Variants in UBAP2 observed in about 807,000 individuals in gnomAD.
The protein encoded by UBAP2 is ubiquitin-associated protein 2.
A neutral mutation model predicts 139.6 loss-of-function variants in UBAP2; 75 were observed. The ratio of observed to expected loss-of-function variants is 0.54; its 90% CI spans 0.45 to 0.65. The LOEUF (loss-of-function observed/expected upper bound fraction) is 0.65. Among genes scored for constraint, UBAP2 ranks in the 30% least tolerant of loss-of-function variants. The pLI, the probability that UBAP2 is intolerant of heterozygous loss-of-function variation, is 0.00. For synonymous variants in UBAP2, 526 were observed against 526.2 expected (o/e 1.00, Z 0.01); for missense variants, 1,368 against 1,369.6 (o/e 1.00, Z 0.02).
rs917921355 is a variant in UBAP2, at chr9:33,941,821, T to C, written c.1757A>G (p.Gln586Arg). 2 of 1,614,038 alleles carry C rather than the reference T, an allele frequency of 1.2e-6. No individual in the cohort carries two copies. The highest frequency in any genetic ancestry group is 3.3e-5 in the Admixed American group (2 of 60,004). ...GACGGAAGTTGTATATGTGGAGTTC[T>C]GTACTGCACTGGTCATTGATAAAGA... ...NTSLSMTSAVQNSTYTTSVIT... is the reference protein window; with the variant it reads ...NTSLSMTSAVRNSTYTTSVIT... The change falls in exon 16 of 29, where the codon CAG (glutamine) becomes CGG (arginine). Residue 586 changes from glutamine to arginine, a missense_variant. By Grantham distance (43) the Gln-to-Arg change is conservative (BLOSUM62 1). Transcript: ENST00000379238.
chr9:34,033,904 T>G (rs1826103057), intron 1 of UBAP2, among the ~76,000 whole-genome samples: 1 of 151,928 alleles, frequency 6.6e-6, no homozygotes, highest in Non-Finnish European at 1.5e-5. Context: ...CCTGGCTAAT[T>G]TTTGCATTTT....
intron 15 of UBAP2, among the ~76,000 whole-genome samples, chr9:33,942,371 A>T (rs1474295195): frequency 6.6e-6 from 1 of 152,118 alleles, no homozygotes; most frequent in Non-Finnish European, 1.5e-5. Context: ...GACCATCTTT[A>T]AAAAGGAAAC....
At chr9:34,006,779 C>T (rs953969263) in intron 2 of UBAP2, among the ~76,000 whole-genome samples, 7 of 152,082 alleles carry the variant, frequency 4.6e-5, no homozygotes, top group African/African-American at 1.7e-4. Flanking sequence ...ATTGTGAACA[C>T]CACCAAACAC....
At chr9:33,932,312 A>C (rs1248332525) in intron 19 of UBAP2, among the ~76,000 whole-genome samples, 2 of 152,008 alleles carry the variant, frequency 1.3e-5, no homozygotes, top group Non-Finnish European at 2.9e-5. Flanking sequence ...ACCACCTGAC[A>C]CTCCTGCCAA....
chr9:34,009,238 A>T (rs981396362), intron 2 of UBAP2, among the ~76,000 whole-genome samples: 9 of 151,618 alleles, frequency 5.9e-5, no homozygotes, highest in Admixed American at 5.9e-4. Context: ...AGCTGGGATT[A>T]CAGGTGCACA....
rs569152349 is a variant in UBAP2, at chr9:34,014,142, T to C, written c.99+2908A>G. Among the ~76,000 whole-genome samples the C allele has an allele frequency of 1.8e-3, 277 of 151,440 alleles. 1 individual carries two copies. The highest frequency in any genetic ancestry group is 3.1e-3 in the Non-Finnish European group (211 of 67,824). ...GAGTTTGAGACCAGCCTGGCCAACA[T>C]GGTGAAACTTCATCTCTACTAAAAA... is the stretch of plus-strand genomic sequence containing the variant. On this transcript the variant is annotated intron_variant, in intron 2 of 28. Coordinates refer to ENST00000379238, the MANE Select transcript of UBAP2 (RefSeq NM_001370062.2).
chr9:34,026,247 TTTAAGA>T (rs1825392352), intron 1 of UBAP2, among the ~76,000 whole-genome samples: 2 of 152,186 alleles, frequency 1.3e-5, no homozygotes, highest in Admixed American at 1.3e-4. Flanking sequence ...ACTGCATGTA[TTTAAGA>T]CAGCATCACA....
chr9:34,036,949 T>G (rs2131351997), intron 1 of UBAP2, among the ~76,000 whole-genome samples: 1 of 147,800 alleles, frequency 6.8e-6, no homozygotes, highest in African/African-American at 2.5e-5. Flanking sequence ...CCCAAGTAGG[T>G]GGGACTATAG....
chr9:34,030,137 T>TA (rs896690084), intron 1 of UBAP2, among the ~76,000 whole-genome samples: 13 of 149,960 alleles, frequency 8.7e-5, no homozygotes, highest in African/African-American at 2.5e-4. Context: ...CCCGTCTCTA[T>TA]AAAAAAGTTT....
intron 2 of UBAP2, among the ~76,000 whole-genome samples, chr9:34,013,928 C>T (rs1824004166): frequency 6.6e-6 from 1 of 150,918 alleles, no homozygotes; most frequent in African/African-American, 2.4e-5. Context: ...TTTTATGACA[C>T]CAATTTAAGA....
At chr9:33,956,043 T>G in intron 11 of UBAP2, 36 bp downstream of exon 11, 1 of 1,534,726 alleles carries the variant, frequency 6.5e-7, no homozygotes, top group Non-Finnish European at 8.9e-7. Context: ...CTGTAATGCT[T>G]TGAATAACAA....
At position 34,002,376 on chromosome 9, in the gene UBAP2, GCT is replaced by G. The variant is rs1491203481; in HGVS notation, c.100-3514_100-3513del. Among the ~76,000 whole-genome samples the G allele has an allele frequency of 3.9e-3, 425 of 107,728 alleles. 5 individuals are homozygous for G. Among genetic ancestry groups the G allele is most frequent in the African/African-American group, 0.013 (393 of 29,352 alleles). 70.7% of individuals were successfully genotyped at this position (107,728 alleles called of 152,430 possible). ...CTACATGACAATCCACTGCATAGGTGCTTTTTTTTTTTTTTTTTTTGAGACAG... is the reference window on the plus strand; with the variant it reads ...CTACATGACAATCCACTGCATAGGTGTTTTTTTTTTTTTTTTTTGAGACAG... On this transcript the variant is annotated intron_variant, in intron 2 of 28. Transcript: ENST00000379238.
intron 1 of UBAP2, among the ~76,000 whole-genome samples, chr9:34,033,617 G>A (rs753868421): frequency 6.6e-6 from 1 of 150,724 alleles, no homozygotes; most frequent in Admixed American, 6.6e-5. Context: ...TGACTCTTTC[G>A]CCCAGGCTGA....
chr9:34,025,978 T>C (rs113876479), intron 1 of UBAP2, among the ~76,000 whole-genome samples: 4,204 of 152,302 alleles, frequency 0.028, 109 homozygotes, highest in Non-Finnish European at 0.036. Context: ...CTGAAAATGG[T>C]TGACTTAACA....
chr9:34,019,035 ATAT>A (rs1188435220), intron 1 of UBAP2, among the ~76,000 whole-genome samples: 1 of 152,198 alleles, frequency 6.6e-6, no homozygotes, highest in Non-Finnish European at 1.5e-5. Flanking sequence ...AGAAGGGAAG[ATAT>A]TCTAACACAT....
intron 12 of UBAP2, among the ~76,000 whole-genome samples, chr9:33,951,329 ATGATTTTTTTTT>A: frequency 8.7e-6 from 1 of 114,524 alleles, no homozygotes; most frequent in African/African-American, 3.2e-5. Context: ...GGCCTCCCCA[ATGATTTTTTTTT>A]TTTTTTTTTT....
At chr9:34,002,953 G>A (rs1049078521) in intron 2 of UBAP2, among the ~76,000 whole-genome samples, 5 of 152,046 alleles carry the variant, frequency 3.3e-5, no homozygotes, top group Non-Finnish European at 5.9e-5. Context: ...CTCCCAAAGC[G>A]CTAGGATTAC....
intron 1 of UBAP2, among the ~76,000 whole-genome samples, chr9:34,025,312 C>T (rs1825314158): frequency 6.6e-6 from 1 of 152,198 alleles, no homozygotes; most frequent in African/African-American, 2.4e-5. Context: ...AGTTCTACTA[C>T]ACTGGAACAG....
chr9:33,995,551 TTAAA>T (rs1487441036), intron 4 of UBAP2: 1 of 106,152 alleles, frequency 9.4e-6, no homozygotes, highest in Non-Finnish European at 1.9e-5. Flanking sequence ...AAATATATTA[TTAAA>T]TAATTTAATT....
Sources: gnomAD v4.1 joint callset for allele counts (sites outside exome capture counted in the v4.1 genomes callset) on GRCh38, gnomAD v4.1.1 for gene constraint, MANE v1.5 for transcripts, NCBI Gene and HGNC (gene_info 2026-07-23, HGNC 2026-07-21) for gene names.